FCER1A: variants seen among roughly 807,000 people sequenced by gnomAD.
FCER1A encodes the protein Fc epsilon receptor Ia.
A neutral mutation model predicts 23.6 loss-of-function variants in FCER1A; 24 were observed. The observed-to-expected ratio is 1.02, with a 90% confidence interval of 0.74 to 1.43. The LOEUF (loss-of-function observed/expected upper bound fraction) is 1.43, where lower values mean the gene tolerates loss of function less well. FCER1A is among the 40% of genes most tolerant of loss of function. The pLI, the probability that FCER1A is intolerant of heterozygous loss-of-function variation, is 0.00. For synonymous variants in FCER1A, 121 were observed against 108.8 expected, an observed-to-expected ratio of 1.11 and a Z score of -0.70; for missense variants, 318 against 294.5, an observed-to-expected ratio of 1.08 and a Z score of -0.58.
At chr1:159,304,831 A>T (rs1652550603) in intron 3 of FCER1A, among the ~76,000 whole-genome samples, 1 of 152,088 alleles carries the variant, frequency 6.6e-6, no homozygotes. Flanking sequence ...CTGGAATAGG[A>T]TCAAAAGGTT....
intron 1 of FCER1A, among the ~76,000 whole-genome samples, chr1:159,294,025 T>C (rs1450151208): frequency 6.6e-6 from 1 of 151,956 alleles, no homozygotes; most frequent in Admixed American, 6.6e-5. Context: ...TGAGATACCA[T>C]CTCACACCAG....
chr1:159,301,683 A>G (rs534158312), upstream of FCER1A, among the ~76,000 whole-genome samples: 1 of 152,348 alleles, frequency 6.6e-6, no homozygotes, highest in African/African-American at 2.4e-5. Context: ...GAAATTAAAC[A>G]AGAAAAGCGT....
intron 4 of FCER1A, among the ~76,000 whole-genome samples, 200 bp downstream of exon 4, chr1:159,306,445 A>T (rs1652619644): frequency 6.6e-6 from 1 of 152,184 alleles, no homozygotes; most frequent in African/African-American, 2.4e-5. Context: ...TGGTGATAGT[A>T]ATACCTGCTT....
intron 3 of FCER1A, 128 bp downstream of exon 3, chr1:159,304,310 C>A (rs1178209433): frequency 7.9e-6 from 7 of 885,800 alleles, no homozygotes; most frequent in South Asian, 1.7e-5. Flanking sequence ...ATTTTTAAGA[C>A]CCCTGCATTG....
intron 1 of FCER1A, among the ~76,000 whole-genome samples, chr1:159,296,647 T>C (rs932420766): frequency 6.6e-6 from 1 of 152,176 alleles, no homozygotes; most frequent in Non-Finnish European, 1.5e-5. Context: ...TGGCTGCACA[T>C]TGAAAAGATG....
At chr1:159,289,265 A>C (rs1395123917), upstream of FCER1A, among the ~76,000 whole-genome samples, 1 of 152,184 alleles carries the variant, frequency 6.6e-6, no homozygotes, top group African/African-American at 2.4e-5. Context: ...AAGATAGGAG[A>C]GTGAAGGACT....
intron 3 of FCER1A, among the ~76,000 whole-genome samples, chr1:159,304,768 T>C (rs1652549185): frequency 6.6e-6 from 1 of 152,198 alleles, no homozygotes; most frequent in Non-Finnish European, 1.5e-5. Context: ...CAGGTATATA[T>C]TATGTGGTCA....
At chr1:159,302,128 G>T (rs1652447057), upstream of FCER1A, among the ~76,000 whole-genome samples, 1 of 152,194 alleles carries the variant, frequency 6.6e-6, no homozygotes, top group African/African-American at 2.4e-5. Flanking sequence ...TCTCTCACCA[G>T]ATTCCAGGTG....
chr1:159,305,057 A>G (rs1442848272), intron 3 of FCER1A, among the ~76,000 whole-genome samples: 1 of 152,250 alleles, frequency 6.6e-6, no homozygotes, highest in Non-Finnish European at 1.5e-5. Context: ...TGTTGAATAA[A>G]CAAATTAATG....
At chr1:159,289,165 C>T (rs774953813), upstream of FCER1A, among the ~76,000 whole-genome samples, 16 of 152,176 alleles carry the variant, frequency 1.1e-4, no homozygotes, top group Non-Finnish European at 2.4e-4. Context: ...TCTATCACGA[C>T]CTCCTGCTGC....
intron 1 of FCER1A, among the ~76,000 whole-genome samples, chr1:159,290,219 C>T (rs2102214706): frequency 6.6e-6 from 1 of 152,252 alleles, no homozygotes; most frequent in East Asian, 1.9e-4. Context: ...TCCCCTCACC[C>T]AGAGAGTGTC....
chr1:159,284,732 T>C (rs1285687642), upstream of FCER1A, among the ~76,000 whole-genome samples: 1 of 152,240 alleles, frequency 6.6e-6, no homozygotes, highest in African/African-American at 2.4e-5. Flanking sequence ...TTTATGTTTA[T>C]GGTAAAAATG....
chr1:159,302,381 A>C lies in FCER1A; in HGVS notation c.17A>C (p.Glu6Ala). 1.2e-6 allele frequency: 2 copies of C among 1,611,528 alleles called. No individual in the cohort carries two copies. The highest frequency in any genetic ancestry group is 1.7e-6 in the Non-Finnish European group (2 of 1,177,616). Residue 6 changes from glutamate to alanine, a missense_variant, in exon 1 of 5, where the codon GAA (glutamate) becomes GCA (alanine). Physicochemically the swap from Glu to Ala is moderately radical, Grantham distance 107 (BLOSUM62 -1). Transcript: ENST00000693622. MAPAM[E>A]SPTLLCVALL... ...ATGAAGAAGATGGCTCCTGCCATGG[A>C]ATCCCCTACTCTACTGTGTGTAGCC...
upstream of FCER1A, among the ~76,000 whole-genome samples, chr1:159,288,752 A>T (rs755315018): frequency 6.6e-6 from 1 of 152,118 alleles, no homozygotes; most frequent in Non-Finnish European, 1.5e-5. Flanking sequence ...TCTCCCCATG[A>T]TGGACTATAA....
At chr1:159,285,261 G>C (rs1651987179), upstream of FCER1A, among the ~76,000 whole-genome samples, 1 of 152,234 alleles carries the variant, frequency 6.6e-6, no homozygotes, top group African/African-American at 2.4e-5. Flanking sequence ...ATTGCCTGGA[G>C]GGCAAGGGTA....
chr1:159,290,511 G>C (rs1268993275), intron 1 of FCER1A, among the ~76,000 whole-genome samples: 3 of 152,156 alleles, frequency 2.0e-5, no homozygotes, highest in Non-Finnish European at 2.9e-5. Context: ...GAATAATTAA[G>C]TTATCCCAAA....
intron 3 of FCER1A, among the ~76,000 whole-genome samples, chr1:159,305,079 T>C (rs1652557898): frequency 6.6e-6 from 1 of 152,226 alleles, no homozygotes; most frequent in Non-Finnish European, 1.5e-5. Context: ...TTTTGAATAG[T>C]GACCAATAGG....
chr1:159,302,426 A>G lies in FCER1A; in HGVS notation c.55+7A>G, dbSNP rs779339964. The G allele has an allele frequency of 7.5e-6, 12 of 1,592,874 alleles. No individual in the cohort carries two copies. The Admixed American group carries it at 1.8e-4, about 24-fold the overall frequency. ...GTAGCCTTACTGTTCTTCGGTAAGT[A>G]GAGATTCAATTACCCCTCCCAGGGA... On this transcript the variant is annotated splice_region_variant and intron_variant, in intron 1 of 4. Transcript: ENST00000693622.
At position 159,308,124 on chromosome 1, in the gene FCER1A, T is replaced by C; in HGVS notation, c.*192T>C. ...AAGTGCTCAATTAACATTGGTTGAA[T>C]AAATGAGAGAATGAATAGATTCATT... On this transcript the variant is annotated 3_prime_UTR_variant, in exon 5 of 5. Coordinates refer to ENST00000693622, the MANE Select transcript of FCER1A (RefSeq NM_001387280.1). 1 of 449,360 alleles carries C rather than the reference T, an allele frequency of 2.2e-6. No individual in the cohort carries two copies. 27.8% of individuals were successfully genotyped at this position (449,360 alleles called of 1,614,324 possible). A position where few individuals can be genotyped will look rare whatever the true frequency, so the allele number is the denominator to read the frequency against.
Sources: allele counts gnomAD v4.1 joint callset (sites outside exome capture counted in the v4.1 genomes callset), GRCh38; gene constraint gnomAD v4.1.1; transcripts MANE v1.5; gene names NCBI Gene and HGNC (gene_info 2026-07-23, HGNC 2026-07-21).